The following ERMP1 variants were observed in gnomAD, a reference collection of about 807,000 sequenced individuals.
ERMP1 encodes Felix-ina.
In ERMP1, 86 loss-of-function variants were observed where a neutral mutation model predicts 92.0. That is an observed-to-expected ratio of 0.93 (90% CI 0.79 to 1.12). The LOEUF is 1.12. Among genes scored for constraint, ERMP1 ranks in the 50% most tolerant of loss-of-function variants. ERMP1 has a pLI of 0.00. For synonymous variants in ERMP1, 530 were observed against 412.8 expected (o/e 1.28, Z -3.44); for missense variants, 1,342 against 1,116.3 (o/e 1.20, Z -2.88).
rs115018167 is a variant in ERMP1, at chr9:5,784,744, A to C, written c.*2400T>G. On this transcript the variant is annotated 3_prime_UTR_variant, in exon 15 of 15. Coordinates refer to ENST00000339450, the MANE Select transcript of ERMP1 (RefSeq NM_024896.3). Reference sequence around the variant, plus strand: ...TTAAGGAATCCTATCATGTTTGTTTATATATGCTAAACTGTAAAAACAAAC... The same window carrying C: ...TTAAGGAATCCTATCATGTTTGTTTCTATATGCTAAACTGTAAAAACAAAC... 6.6e-6 allele frequency: 1 copy of C among 152,560 alleles called. No individual in the cohort carries two copies. Among genetic ancestry groups the C allele is most frequent in the African/African-American group, 2.4e-5 (1 of 41,388 alleles). The allele number at this position is 152,560 out of a possible 1,614,324, so 9.5% of individuals were successfully genotyped here.
intron 8 of ERMP1, among the ~76,000 whole-genome samples, chr9:5,807,709 G>A (rs1216469218): frequency 1.3e-5 from 2 of 151,932 alleles, no homozygotes; most frequent in Non-Finnish European, 2.9e-5. Flanking sequence ...TCACACCACT[G>A]CACTCCAACC....
At chr9:5,852,657 AT>A (rs1229573634) in intron 6 of ERMP1, among the ~76,000 whole-genome samples, 3 of 150,584 alleles carry the variant, frequency 2.0e-5, no homozygotes, top group South Asian at 2.1e-4. Flanking sequence ...GAGAATGTTC[AT>A]TAAAAAAAAA....
At chr9:5,807,603 G>A (rs902680635) in intron 8 of ERMP1, among the ~76,000 whole-genome samples, 14 of 151,966 alleles carry the variant, frequency 9.2e-5, no homozygotes, top group African/African-American at 2.9e-4. Context: ...AAAATTAGCT[G>A]GGCATGGTGG....
chr9:5,800,114 G>A (rs1453407910), intron 11 of ERMP1, among the ~76,000 whole-genome samples: 1 of 152,168 alleles, frequency 6.6e-6, no homozygotes, highest in Admixed American at 6.5e-5. Flanking sequence ...AAGGGTATAT[G>A]TTATCTTGAA....
intron 4 of ERMP1, among the ~76,000 whole-genome samples, chr9:5,818,702 G>A (rs1829414151): frequency 6.7e-6 from 1 of 148,778 alleles, no homozygotes; most frequent in Non-Finnish European, 1.5e-5. Context: ...AACAAAGCAA[G>A]ATCCTATCTC....
chr9:5,805,647 T>C lies in ERMP1; in HGVS notation c.1687A>G (p.Thr563Ala), dbSNP rs1227696868. Residue 563 changes from threonine to alanine, a missense_variant, in exon 9 of 15, where the codon ACA (threonine) becomes GCA (alanine). Coordinates refer to ENST00000339450, the MANE Select transcript of ERMP1 (RefSeq NM_024896.3). ...SAVWVAFPLL[T>A]KLCVHKDFKQ... The stretch of plus-strand genomic sequence containing the variant: ...AAGTCCTTATGCACACAGAGCTTTG[T>C]GAGCAATGGGAATGCTACCCAGACA... 2.5e-5 allele frequency: 41 copies of C among 1,608,634 alleles called. No homozygotes were observed. In the Middle Eastern group the frequency reaches 5.0e-4, roughly 19 times the overall value.
At chr9:5,818,095 G>C (rs1426810464) in intron 4 of ERMP1, among the ~76,000 whole-genome samples, 1 of 151,500 alleles carries the variant, frequency 6.6e-6, no homozygotes. Flanking sequence ...CCAGGAGCTG[G>C]AGAACTGTGA....
intron 13 of ERMP1, 132 bp downstream of exon 13, chr9:5,797,685 T>G: frequency 1.5e-6 from 1 of 653,500 alleles, no homozygotes; most frequent in South Asian, 2.0e-5. Context: ...CAGCTTCAAT[T>G]GATTTTAGAA....
chr9:5,832,964 C>A lies in ERMP1; in HGVS notation c.64G>T (p.Gly22Ter), dbSNP rs772206301. The change falls in exon 1 of 15, where the codon GGA (glycine) becomes TGA (stop). Residue 22 changes from glycine (G) to a stop codon, truncating the protein, a stop_gained. Coordinates refer to ENST00000339450, the MANE Select transcript of ERMP1 (RefSeq NM_024896.3). LOFTEE classifies it high-confidence loss of function. ...RHRVGVERREGAAAAPPPERE... is the reference protein window; with the variant it reads ...RHRVGVERRE ...TCCGGCGGTGGCGCGGCCGCCGCTC[C>A]CTCTCGACGCTCTACTCCGACGCGG... is the stretch of plus-strand genomic sequence containing the variant. 5.1e-6 allele frequency: 8 copies of A among 1,566,260 alleles called. No homozygotes were observed. The East Asian group carries it at 2.0e-4, about 39-fold the overall frequency.
At chr9:5,860,641 G>GT (rs34005945) in intron 5 of ERMP1, among the ~76,000 whole-genome samples, 1 of 150,506 alleles carries the variant, frequency 6.6e-6, no homozygotes, top group Non-Finnish European at 1.5e-5. Context: ...AGATCGGGGG[G>GT]TCTCACTCTG....
chr9:5,818,565 A>C (rs1341271339), intron 4 of ERMP1, among the ~76,000 whole-genome samples: 1 of 151,984 alleles, frequency 6.6e-6, no homozygotes, highest in Non-Finnish European at 1.5e-5. Context: ...AAAGTAAAAA[A>C]CTGGCTGGGC....
intron 2 of ERMP1, among the ~76,000 whole-genome samples, chr9:5,826,354 G>C (rs1829731440): frequency 6.6e-6 from 1 of 152,196 alleles, no homozygotes. Flanking sequence ...GAAAGATTTG[G>C]AAGTAAATTT....
At chr9:5,862,117 C>T (rs898999366) in intron 5 of ERMP1, among the ~76,000 whole-genome samples, 4 of 152,132 alleles carry the variant, frequency 2.6e-5, no homozygotes, top group African/African-American at 7.2e-5. Context: ...GCGGCCTCTA[C>T]CTCCTGGGCC....
Position 5,787,581 on chromosome 9 carries a change from A to G in ERMP1, c.2399T>C (p.Met800Thr). 1 of 1,612,642 alleles carries G rather than the reference A, an allele frequency of 6.2e-7. No homozygotes were observed. The highest frequency in any genetic ancestry group is 8.5e-7 in the Non-Finnish European group (1 of 1,179,502). ...LTFEATGPSH[M>T]SFYVRAHKGS... ...TTTGTGGGCTCGAACATAGAAGGAC[A>G]TATGGCTTGGTCCTGTAAGGTAAAA... Residue 800 changes from methionine to threonine, a missense_variant, in exon 14 of 15, where the codon ATG (methionine) becomes ACG (threonine). Transcript: ENST00000339450.
At position 5,786,579 on chromosome 9, in the gene ERMP1, A is replaced by C. The variant is rs1245771483; in HGVS notation, c.*565T>G. 1 of 154,826 alleles carries C rather than the reference A, an allele frequency of 6.5e-6. No individual in the cohort carries two copies. The highest frequency in any genetic ancestry group is 2.4e-5 in the African/African-American group (1 of 41,452). The allele number at this position is 154,826 out of a possible 1,614,324, so 9.6% of individuals were successfully genotyped here. ...GCCTCAGCACAGAGAGACAAAGCAC[A>C]TTTGAGAGGCTGCCTGAAGAAACAG... On this transcript the variant is annotated 3_prime_UTR_variant, in exon 15 of 15. Coordinates refer to ENST00000339450, the MANE Select transcript of ERMP1 (RefSeq NM_024896.3).
At chr9:5,795,769 CT>C (rs1828399343) in intron 13 of ERMP1, among the ~76,000 whole-genome samples, 1 of 151,942 alleles carries the variant, frequency 6.6e-6, no homozygotes, top group African/African-American at 2.4e-5. Context: ...CAGAGTGAGA[CT>C]GTCTCAAAAA....
intron 5 of ERMP1, among the ~76,000 whole-genome samples, chr9:5,866,031 T>C (rs1336548616): frequency 2.0e-5 from 3 of 152,162 alleles, no homozygotes; most frequent in South Asian, 2.1e-4. Context: ...TTACTTTTAA[T>C]AATAATTTTT....
intron 5 of ERMP1, among the ~76,000 whole-genome samples, chr9:5,861,666 C>A (rs1280771627): frequency 2.0e-5 from 3 of 149,248 alleles, no homozygotes; most frequent in African/African-American, 7.4e-5. Context: ...GCTCCACTCT[C>A]TTCCCAGTGC....
chr9:5,859,761 T>C (rs1005815996), intron 5 of ERMP1, among the ~76,000 whole-genome samples: 1 of 152,212 alleles, frequency 6.6e-6, no homozygotes, highest in Admixed American at 6.5e-5. Context: ...TGGCACATAG[T>C]TGATGCTTAC....
Sources: gnomAD v4.1 joint callset for allele counts (sites outside exome capture counted in the v4.1 genomes callset) on GRCh38, gnomAD v4.1.1 for gene constraint, MANE v1.5 for transcripts, NCBI Gene and HGNC (gene_info 2026-07-23, HGNC 2026-07-21) for gene names.